ELAPOR2: variants seen among roughly 807,000 people sequenced by gnomAD.
ELAPOR2 encodes endosome-lysosome associated apoptosis and autophagy regulator family member 2, also known as endosome/lysosome-associated apoptosis and autophagy regulator family member 2.
Under a neutral mutation model 120.7 loss-of-function variants are expected in ELAPOR2, and 89 were observed. The ratio of observed to expected loss-of-function variants is 0.74; its 90% CI spans 0.62 to 0.88. The LOEUF (loss-of-function observed/expected upper bound fraction) is 0.88, where lower values mean the gene tolerates loss of function less well. ELAPOR2 is among the 40% of genes least tolerant of loss of function. The pLI, the probability that ELAPOR2 is intolerant of heterozygous loss-of-function variation, is 0.00. For synonymous variants in ELAPOR2, 444 were observed against 444.9 expected (o/e 1.00, Z 0.03); for missense variants, 1,134 against 1,251.6 (o/e 0.91, Z 1.42).
chr7:86,888,650 A>G (rs1799805549), intron 21 of ELAPOR2, among the ~76,000 whole-genome samples: 2 of 152,288 alleles, frequency 1.3e-5, no homozygotes, highest in East Asian at 1.9e-4. Flanking sequence ...TCTCATTTCC[A>G]TAGCCATTAT....
intron 1 of ELAPOR2, among the ~76,000 whole-genome samples, chr7:87,026,478 A>G (rs1463095092): frequency 6.6e-6 from 1 of 151,796 alleles, no homozygotes; most frequent in Non-Finnish European, 1.5e-5. Context: ...CTCTCAAGAG[A>G]GTCATTCAGT....
intron 19 of ELAPOR2, among the ~76,000 whole-genome samples, chr7:86,897,056 A>G (rs990147280): frequency 3.9e-5 from 6 of 152,132 alleles, no homozygotes; most frequent in African/African-American, 1.4e-4. Flanking sequence ...AAGTTTTCAT[A>G]ATGTATTAAA....
chr7:86,978,526 GA>G (rs758730785), intron 1 of ELAPOR2, among the ~76,000 whole-genome samples: 5 of 152,044 alleles, frequency 3.3e-5, no homozygotes, highest in Non-Finnish European at 7.4e-5. Context: ...TCTTTTGTGG[GA>G]AAAATAAAGG....
intron 1 of ELAPOR2, among the ~76,000 whole-genome samples, chr7:87,043,533 C>T (rs1794851526): frequency 6.6e-6 from 1 of 150,460 alleles, no homozygotes; most frequent in African/African-American, 2.5e-5. Context: ...TCAATAGATG[C>T]AGAAAAAGCC....
intron 1 of ELAPOR2, among the ~76,000 whole-genome samples, chr7:87,030,508 T>C (rs1794390772): frequency 6.6e-6 from 1 of 152,198 alleles, no homozygotes; most frequent in Non-Finnish European, 1.5e-5. Flanking sequence ...TTGTGATTTA[T>C]GGCATTAAAC....
chr7:86,997,092 T>C (rs1793149596), intron 1 of ELAPOR2, among the ~76,000 whole-genome samples: 1 of 152,216 alleles, frequency 6.6e-6, no homozygotes, highest in African/African-American at 2.4e-5. Context: ...CAAGTAGATA[T>C]CTATCCCTAT....
intron 10 of ELAPOR2, among the ~76,000 whole-genome samples, chr7:86,923,234 CA>C (rs1471895994): frequency 6.6e-6 from 1 of 151,834 alleles, no homozygotes; most frequent in Non-Finnish European, 1.5e-5. Context: ...GTTCAATATA[CA>C]GTAGGGTGTA....
chr7:86,986,813 C>A (rs1390652464), intron 1 of ELAPOR2, among the ~76,000 whole-genome samples: 1 of 151,074 alleles, frequency 6.6e-6, no homozygotes, highest in South Asian at 2.1e-4. Context: ...ATCAAGCTAC[C>A]AATGACTTTC....
intron 2 of ELAPOR2, 96 bp downstream of exon 2, chr7:86,964,808 A>C: frequency 7.5e-7 from 1 of 1,331,192 alleles, no homozygotes; most frequent in Non-Finnish European, 1.0e-6. Flanking sequence ...TCATTTTTGT[A>C]AGGTCTCCTA....
rs111712744 is a variant in ELAPOR2, at chr7:87,004,618, G to A, written c.190-39594C>T. ...GCCATTATTCTTGCTCAGCTGTGGT[G>A]GATTAGAGATAACAGCCAACCAACA... is the stretch of plus-strand genomic sequence containing the variant. On this transcript the variant is annotated intron_variant, in intron 1 of 21. Transcript: ENST00000450689. Among the ~76,000 whole-genome samples the A allele has an allele frequency of 8.8e-3, 1,343 of 152,160 alleles. 25 individuals are homozygous for A. The highest frequency in any genetic ancestry group is 0.031 in the African/African-American group (1,269 of 41,508).
At chr7:86,902,436 A>G (rs1318307009) in intron 18 of ELAPOR2, among the ~76,000 whole-genome samples, 1 of 152,130 alleles carries the variant, frequency 6.6e-6, no homozygotes, top group Non-Finnish European at 1.5e-5. Context: ...TCGGCCTCCC[A>G]GATTGCTGGG....
intron 6 of ELAPOR2, among the ~76,000 whole-genome samples, chr7:86,939,783 A>G (rs1268781746): frequency 6.6e-6 from 1 of 152,064 alleles, no homozygotes; most frequent in African/African-American, 2.4e-5. Context: ...CATCATGTTT[A>G]CTTTTTTTGC....
At chr7:86,965,077 A>C (rs1791856007) in intron 1 of ELAPOR2, 53 bp from the exon 2 acceptor site, 2 of 1,544,358 alleles carry the variant, frequency 1.3e-6, no homozygotes, top group African/African-American at 1.4e-5. Context: ...TAACGGGACA[A>C]CTGTGCTTTC....
intron 18 of ELAPOR2, among the ~76,000 whole-genome samples, chr7:86,906,435 A>T (rs1484945378): frequency 6.6e-6 from 1 of 152,136 alleles, no homozygotes; most frequent in African/African-American, 2.4e-5. Context: ...GCAGTTGGTG[A>T]AAAGAGAATG....
intron 18 of ELAPOR2, among the ~76,000 whole-genome samples, chr7:86,905,283 TTTTC>T (rs1788956845): frequency 1.3e-5 from 2 of 150,850 alleles, no homozygotes; most frequent in African/African-American, 4.9e-5. Context: ...CTTTTTTTTT[TTTTC>T]TGTCAGTAGG....
chr7:87,031,539 T>G, intron 1 of ELAPOR2, among the ~76,000 whole-genome samples: 1 of 152,160 alleles, frequency 6.6e-6, no homozygotes, highest in South Asian at 2.1e-4. Flanking sequence ...ACTAACTGAA[T>G]GGTTAGCTCC....
At chr7:87,011,454 T>C (rs1201126802) in intron 1 of ELAPOR2, among the ~76,000 whole-genome samples, 1 of 152,152 alleles carries the variant, frequency 6.6e-6, no homozygotes, top group African/African-American at 2.4e-5. Context: ...AATATTCGGT[T>C]CTTATTGATA....
At chr7:87,039,993 C>A (rs933680700) in intron 1 of ELAPOR2, among the ~76,000 whole-genome samples, 4 of 152,192 alleles carry the variant, frequency 2.6e-5, no homozygotes, top group African/African-American at 9.7e-5. Flanking sequence ...CTTTCCTAGT[C>A]AAAGAAAGGG....
intron 19 of ELAPOR2, among the ~76,000 whole-genome samples, chr7:86,897,197 T>C (rs2115895706): frequency 6.6e-6 from 1 of 152,226 alleles, no homozygotes; most frequent in South Asian, 2.1e-4. Context: ...TATCCCCATC[T>C]TAATTACACC....
Sources: gnomAD v4.1 joint callset for allele counts (sites outside exome capture counted in the v4.1 genomes callset) on GRCh38, gnomAD v4.1.1 for gene constraint, MANE v1.5 for transcripts, NCBI Gene and HGNC (gene_info 2026-07-23, HGNC 2026-07-21) for gene names.